DOCK7: variants seen among roughly 807,000 people sequenced by gnomAD.
DOCK7 encodes dedicator of cytokinesis 7.
In DOCK7, 138 loss-of-function variants were observed where a neutral mutation model predicts 271.0. That is an observed-to-expected ratio of 0.51 (90% CI 0.44 to 0.59). DOCK7 has a LOEUF of 0.59. Among genes scored for constraint, DOCK7 ranks in the 20% least tolerant of loss-of-function variants. The pLI is 0.00. For synonymous variants in DOCK7, 823 were observed against 876.1 expected (o/e 0.94, Z 1.07); for missense variants, 2,066 against 2,592.4 (o/e 0.80, Z 4.41).
In DOCK7 at chr1:62,654,048, C is replaced by G; in HGVS notation, c.256G>C (p.Asp86His). The G allele has an allele frequency of 6.2e-7, 1 of 1,613,958 alleles. No individual in the cohort carries two copies. Among genetic ancestry groups the G allele is most frequent in the Non-Finnish European group, 8.5e-7 (1 of 1,179,922 alleles). ...LRDLIEFPPD[D>H]IEVVYSPRDC... is the part of the protein sequence containing the mutation. ...CGAGGACTATAAACAACTTCAATAT[C>G]ATCTGGAGGAAATTCAATCAAATCC... Residue 86 changes from aspartate (D) to histidine (H), a missense_variant, in exon 3 of 50, where the codon GAT becomes CAT. Physicochemically the swap from Asp to His is moderately conservative, Grantham distance 81 (BLOSUM62 -1). This residue lies in a region of DOCK7 where 1,414 missense variants were observed against 1,670.4 expected (regional missense o/e 0.85). Coordinates refer to ENST00000635253, the MANE Select transcript of DOCK7 (RefSeq NM_001367561.1).
intron 48 of DOCK7, among the ~76,000 whole-genome samples, chr1:62,463,930 C>CT (rs753844678): frequency 5.3e-5 from 8 of 152,002 alleles, no homozygotes; most frequent in Non-Finnish European, 1.0e-4. Flanking sequence ...TCTTCCTATT[C>CT]TTTAACAGCA....
chr1:62,519,434 C>G (rs895891312), intron 31 of DOCK7, among the ~76,000 whole-genome samples: 2 of 151,912 alleles, frequency 1.3e-5, no homozygotes, highest in African/African-American at 4.8e-5. Context: ...TTTAATTTGG[C>G]CAAAATCAGA....
intron 11 of DOCK7, chr1:62,628,806 T>C (rs1264058584): frequency 6.6e-6 from 1 of 152,164 alleles, no homozygotes; most frequent in African/African-American, 2.4e-5. Flanking sequence ...AATTTGCATC[T>C]TGAACATATA....
intron 28 of DOCK7, among the ~76,000 whole-genome samples, chr1:62,537,228 T>C (rs1397146381): frequency 2.6e-5 from 4 of 152,212 alleles, no homozygotes; most frequent in Non-Finnish European, 5.9e-5. Flanking sequence ...AGTAAGTTTA[T>C]TTAGGTGAAT....
chr1:62,503,968 AC>A (rs1466963996), intron 37 of DOCK7, among the ~76,000 whole-genome samples: 1 of 151,670 alleles, frequency 6.6e-6, no homozygotes, highest in African/African-American at 2.4e-5. Context: ...AATGGCGTGA[AC>A]CCAGGAGGCG....
intron 35 of DOCK7, 23 bp from the exon 36 acceptor site, chr1:62,505,839 T>C: frequency 6.2e-7 from 1 of 1,605,508 alleles, no homozygotes; most frequent in South Asian, 1.1e-5. Context: ...AATAAACAAA[T>C]AAAATAGAGA....
intron 11 of DOCK7, among the ~76,000 whole-genome samples, chr1:62,630,982 C>T (rs1430594746): frequency 1.3e-5 from 2 of 151,910 alleles, no homozygotes; most frequent in South Asian, 4.2e-4. Context: ...GTCAGGAGTT[C>T]GAGACCAGTT....
intron 28 of DOCK7, 134 bp from the exon 29 acceptor site, chr1:62,535,766 A>C (rs1645326077): frequency 1.2e-5 from 8 of 678,744 alleles, no homozygotes; most frequent in Non-Finnish European, 1.7e-5. Context: ...AGACAAAGCA[A>C]CTTTTCAGAC....
chr1:62,494,615 C>T (rs990018482), intron 39 of DOCK7, 148 bp from the exon 40 acceptor site: 5 of 533,370 alleles, frequency 9.4e-6, no homozygotes, highest in African/African-American at 7.8e-5. Flanking sequence ...TGTCGCTATG[C>T]AGGCCTAGAG....
At chr1:62,475,467 C>T in intron 46 of DOCK7, 116 bp from the exon 47 acceptor site, 1 of 1,242,560 alleles carries the variant, frequency 8.0e-7, no homozygotes, top group Admixed American at 2.9e-5. Flanking sequence ...TTTCATGTAA[C>T]AATAAAATTC....
intron 6 of DOCK7, 130 bp downstream of exon 6, chr1:62,647,976 T>C (rs1656878504): frequency 3.4e-6 from 3 of 873,226 alleles, no homozygotes; most frequent in Non-Finnish European, 5.3e-6. Flanking sequence ...GTATAAAATG[T>C]ATTCATTTAT....
intron 14 of DOCK7, chr1:62,606,286 T>C (rs1409809009): frequency 6.6e-6 from 1 of 151,810 alleles, no homozygotes; most frequent in African/African-American, 2.4e-5. Flanking sequence ...TTATTTAATA[T>C]ATGAGTTGCT....
chr1:62,547,406 A>AC (rs1645746902), intron 22 of DOCK7, among the ~76,000 whole-genome samples: 2 of 152,192 alleles, frequency 1.3e-5, no homozygotes, highest in Admixed American at 1.3e-4. Flanking sequence ...ACGTGTATGT[A>AC]AGTGTGAGGT....
At chr1:62,677,451 C>T (rs1660658495) in intron 1 of DOCK7, among the ~76,000 whole-genome samples, 1 of 152,114 alleles carries the variant, frequency 6.6e-6, no homozygotes, top group Non-Finnish European at 1.5e-5. Context: ...AGATAAGAGG[C>T]TGCTGACATT....
chr1:62,555,175 G>A (rs1023554240), intron 21 of DOCK7: 1 of 152,016 alleles, frequency 6.6e-6, no homozygotes. Flanking sequence ...ATAACAAGTC[G>A]AGTCTCCAGT....
At chr1:62,542,527 T>C (rs1202355713) in intron 25 of DOCK7, 81 bp downstream of exon 25, 2 of 1,380,194 alleles carry the variant, frequency 1.4e-6, no homozygotes, top group East Asian at 2.3e-5. Flanking sequence ...CAGAAAAAGA[T>C]TTCTAAGGTA....
chr1:62,526,378 C>T (rs1645007649), intron 31 of DOCK7, among the ~76,000 whole-genome samples: 1 of 151,996 alleles, frequency 6.6e-6, no homozygotes, highest in African/African-American at 2.4e-5. Flanking sequence ...TTCCAATTTA[C>T]AATCACTAAA....
rs184938017 is a variant in DOCK7, at chr1:62,682,365, A to C, written c.38+5862T>G. Among the ~76,000 whole-genome samples the C allele has an allele frequency of 1.8e-4, 27 of 152,320 alleles. No individual in the cohort carries two copies. The East Asian group carries it at 5.0e-3, about 28-fold the overall frequency. The stretch of plus-strand genomic sequence containing the variant: ...AGCTTTCTATGGTCACCTAGAAGTG[A>C]AATAATAAAGGATGTCCAACGCAGC... On this transcript the variant is annotated intron_variant, in intron 1 of 49. Coordinates refer to ENST00000635253, the MANE Select transcript of DOCK7 (RefSeq NM_001367561.1).
At chr1:62,679,395 T>C (rs747259691) in intron 1 of DOCK7, among the ~76,000 whole-genome samples, 3 of 151,970 alleles carry the variant, frequency 2.0e-5, no homozygotes, top group Non-Finnish European at 2.9e-5. Flanking sequence ...AATAAACAAC[T>C]AATACACAGA....
Sources: allele counts gnomAD v4.1 joint callset (sites outside exome capture counted in the v4.1 genomes callset), GRCh38; gene constraint gnomAD v4.1.1; regional missense constraint gnomAD v4.1.1; transcripts MANE v1.5; gene names NCBI Gene and HGNC (gene_info 2026-07-23, HGNC 2026-07-21).